Variants in TBC1D2 observed in about 807,000 individuals in gnomAD.
TBC1D2 encodes TBC1 domain family member 2A.
A neutral mutation model predicts 91.1 loss-of-function variants in TBC1D2; 58 were observed. That is an observed-to-expected ratio of 0.64 (90% CI 0.52 to 0.79). The LOEUF is 0.79. Among genes scored for constraint, TBC1D2 ranks in the 30% least tolerant of loss-of-function variants. The pLI is 0.00. For missense variants in TBC1D2, 1,080 were observed against 1,208.3 expected (o/e 0.89, Z 1.57); for synonymous variants, 482 against 511.5 (o/e 0.94, Z 0.78).
At chr9:98,253,948 T>G (rs1293916955) in intron 1 of TBC1D2, among the ~76,000 whole-genome samples, 1 of 152,146 alleles carries the variant, frequency 6.6e-6, no homozygotes, top group African/African-American at 2.4e-5. Context: ...ATAAAGACCA[T>G]GTGTTGAAGA....
At chr9:98,244,659 CAAAAAAA>C (rs59871511) in intron 2 of TBC1D2, among the ~76,000 whole-genome samples, 9 of 46,890 alleles carry the variant, frequency 1.9e-4, no homozygotes, top group Non-Finnish European at 8.0e-5. Flanking sequence ...AACTCCGTCT[CAAAAAAA>C]AAAAAAAAAA....
At chr9:98,201,705 G>A in intron 10 of TBC1D2, 41 bp from the exon 11 acceptor site, 12 of 1,569,732 alleles carry the variant, frequency 7.6e-6, no homozygotes, top group African/African-American at 1.3e-5. Flanking sequence ...CAGCCCCAGC[G>A]TAGGGCTGCC....
intron 12 of TBC1D2, 106 bp downstream of exon 12, chr9:98,200,147 C>A: frequency 6.8e-7 from 1 of 1,477,040 alleles, no homozygotes. Flanking sequence ...ATACGAGCAT[C>A]AGCGTCACTT....
chr9:98,210,259 G>A lies in TBC1D2; in HGVS notation c.1673+397C>T, dbSNP rs148479133. On this transcript the variant is annotated intron_variant, in intron 8 of 12. Coordinates refer to ENST00000465784, the MANE Select transcript of TBC1D2 (RefSeq NM_001267571.2). ...GACTACTCAGCCTCCAGGGGCCTTC[G>A]AGCATAGCCACCCTCCTTTCTGTTA... is the stretch of plus-strand genomic sequence containing the variant. Among the ~76,000 whole-genome samples the A allele has an allele frequency of 2.3e-4, 35 of 152,300 alleles. 1 individual carries two copies. Among genetic ancestry groups the A allele is most frequent in the African/African-American group, 6.7e-4 (28 of 41,568 alleles).
At chr9:98,211,440 G>A (rs1828836442) in intron 7 of TBC1D2, among the ~76,000 whole-genome samples, 1 of 152,010 alleles carries the variant, frequency 6.6e-6, no homozygotes, top group South Asian at 2.1e-4. Context: ...TCCCTTGCTT[G>A]GGACACTCCC....
Position 98,217,528 on chromosome 9 carries a change from T to C in TBC1D2, c.1374+3305A>G, listed in dbSNP as rs1828999517. Among the ~76,000 whole-genome samples the C allele has an allele frequency of 2.0e-5, 3 of 152,194 alleles. No individual in the cohort carries two copies. In the South Asian group the frequency reaches 6.2e-4, roughly 32 times the overall value. On this transcript the variant is annotated intron_variant, in intron 6 of 12. Transcript: ENST00000465784. ...CCAGATCTGATATTCAAGAGGTCAG[T>C]GATCCTGTTCTCAAAACCAAAGTCT...
At chr9:98,232,468 C>G (rs1453033811) in intron 4 of TBC1D2, among the ~76,000 whole-genome samples, 3 of 151,658 alleles carry the variant, frequency 2.0e-5, no homozygotes, top group African/African-American at 7.3e-5. Flanking sequence ...TACAGGCTTG[C>G]ACCATGATCA....
At chr9:98,232,034 G>A (rs1238280645) in intron 4 of TBC1D2, among the ~76,000 whole-genome samples, 3 of 152,078 alleles carry the variant, frequency 2.0e-5, no homozygotes, top group Non-Finnish European at 4.4e-5. Context: ...TTTCTTTTTG[G>A]GGTAATAAAA....
intron 10 of TBC1D2, among the ~76,000 whole-genome samples, chr9:98,202,063 A>C (rs950619243): frequency 6.6e-6 from 1 of 152,206 alleles, no homozygotes; most frequent in Non-Finnish European, 1.5e-5. Flanking sequence ...CTTTGTCTCT[A>C]GGCTTATATC....
intron 5 of TBC1D2, among the ~76,000 whole-genome samples, chr9:98,224,286 T>C (rs1055015470): frequency 3.0e-4 from 44 of 144,802 alleles, no homozygotes; most frequent in South Asian, 1.6e-3. Context: ...TTTTCTTTTT[T>C]TTTTTTTTTT....
intron 2 of TBC1D2, among the ~76,000 whole-genome samples, chr9:98,246,231 C>T (rs867930398): frequency 4.6e-5 from 7 of 152,182 alleles, no homozygotes; most frequent in Non-Finnish European, 7.3e-5. Flanking sequence ...TTGGAGCCCT[C>T]TTACTGGGAG....
chr9:98,199,265 T>C lies in TBC1D2; in HGVS notation c.*116A>G, dbSNP rs576717135. ...TGAGGGCCAGAGAGGGGAAGGGACA[T>C]GTCCAAGGTCACATGGTGATGGGAC... On this transcript the variant is annotated 3_prime_UTR_variant, in exon 13 of 13. Transcript: ENST00000465784. 1.8e-6 allele frequency: 2 copies of C among 1,126,528 alleles called. No homozygotes were observed. The highest frequency in any genetic ancestry group is 2.5e-5 in the East Asian group (1 of 40,218). 69.8% of individuals were successfully genotyped at this position (1,126,528 alleles called of 1,614,324 possible). A position where few individuals can be genotyped will look rare whatever the true frequency, so the allele number is the denominator to read the frequency against.
rs9695947 is a variant in TBC1D2, at chr9:98,214,723, C to T, written c.1375-1505G>A. Among the ~76,000 whole-genome samples the T allele has an allele frequency of 5.2e-3, 786 of 152,342 alleles. 2 individuals carry two copies. The highest frequency in any genetic ancestry group is 7.7e-3 in the Non-Finnish European group (527 of 68,022). On this transcript the variant is annotated intron_variant, in intron 6 of 12. Transcript: ENST00000465784. ...TCCTGGCCCTCCCTGGGTGGGTCTT[C>T]ACTCTGGCCAAGATGATCTCCAAGG...
At chr9:98,247,728 C>CAAAAGAAAAA (rs1829795407) in intron 2 of TBC1D2, among the ~76,000 whole-genome samples, 1 of 70,838 alleles carries the variant, frequency 1.4e-5, no homozygotes, top group Non-Finnish European at 3.0e-5. Context: ...GACTCCGTCT[C>CAAAAGAAAAA]AAAAAAAAAA....
At chr9:98,245,192 A>T (rs1039649050) in intron 2 of TBC1D2, among the ~76,000 whole-genome samples, 1 of 152,140 alleles carries the variant, frequency 6.6e-6, no homozygotes, top group Non-Finnish European at 1.5e-5. Context: ...GTGAGCCTAG[A>T]TCGTGCCACT....
chr9:98,224,477 C>T (rs1404068111), intron 5 of TBC1D2, among the ~76,000 whole-genome samples: 1 of 151,844 alleles, frequency 6.6e-6, no homozygotes, highest in Admixed American at 6.6e-5. Context: ...GAGACAGGGT[C>T]TCCCTATGTT....
In TBC1D2 at chr9:98,201,553, C is replaced by T; in HGVS notation, c.2383G>A (p.Val795Met). Residue 795 changes from valine (V) to methionine (M), a missense_variant, in exon 11 of 13, where the codon GTG (valine) becomes ATG (methionine). Val to Met is a conservative substitution (Grantham distance 21, BLOSUM62 1). Coordinates refer to ENST00000465784, the MANE Select transcript of TBC1D2 (RefSeq NM_001267571.2). Reference protein sequence around the residue: ...LSLVTFNWFLVVFADSLISNI... With the variant: ...LSLVTFNWFLMVFADSLISNI... Reference sequence around the variant, plus strand: ...CTAATGAGACTGTCCGCAAAGACCACGAGGAACCAGTTGAAGGTGACGAGG... The same window carrying T: ...CTAATGAGACTGTCCGCAAAGACCATGAGGAACCAGTTGAAGGTGACGAGG... The T allele has an allele frequency of 6.2e-6, 10 of 1,614,184 alleles. No homozygotes were observed. The highest frequency in any genetic ancestry group is 2.2e-5 in the East Asian group (1 of 44,870).
intron 3 of TBC1D2, among the ~76,000 whole-genome samples, chr9:98,234,221 G>A (rs904910632): frequency 6.6e-6 from 1 of 152,156 alleles, no homozygotes; most frequent in Admixed American, 6.5e-5. Context: ...TTAAGAACCG[G>A]GTACTAACCT....
intron 6 of TBC1D2, among the ~76,000 whole-genome samples, chr9:98,219,284 A>G (rs752500709): frequency 1.3e-5 from 2 of 152,234 alleles, no homozygotes; most frequent in Non-Finnish European, 1.5e-5. Flanking sequence ...AGAGTCAAAG[A>G]GGTCAGTCTG....
Sources: gnomAD v4.1 joint callset for allele counts (sites outside exome capture counted in the v4.1 genomes callset) on GRCh38, gnomAD v4.1.1 for gene constraint, MANE v1.5 for transcripts, NCBI Gene and HGNC (gene_info 2026-07-23, HGNC 2026-07-21) for gene names.